Variants in IFT140 observed in about 807,000 individuals in gnomAD.
IFT140 encodes the protein intraflagellar transport protein 140 homolog.
IFT140 carries 133 observed loss-of-function variants against 164.6 expected under a neutral mutation model. The ratio of observed to expected loss-of-function variants is 0.81; its 90% CI spans 0.70 to 0.93. The LOEUF is 0.93. IFT140 is among the 40% of genes least tolerant of loss of function. The pLI is 0.00. For missense variants in IFT140, 2,045 were observed against 1,972.3 expected, an observed-to-expected ratio of 1.04 and a Z score of -0.70; for synonymous variants, 860 against 817.3, an observed-to-expected ratio of 1.05 and a Z score of -0.89.
chr16:1,602,830 C>T (rs1178684346), intron 3 of IFT140, among the ~76,000 whole-genome samples: 1 of 152,112 alleles, frequency 6.6e-6, no homozygotes, highest in African/African-American at 2.4e-5. Flanking sequence ...GTCCCAGCTA[C>T]TCGGGAGGCT....
chr16:1,559,214 A>G (rs2052905610), intron 18 of IFT140, among the ~76,000 whole-genome samples: 1 of 152,208 alleles, frequency 6.6e-6, no homozygotes, highest in South Asian at 2.1e-4. Context: ...ACGCACAAAA[A>G]CAACAGGGAA....
At chr16:1,521,964 T>C (rs903682752) in intron 26 of IFT140, among the ~76,000 whole-genome samples, 3 of 149,458 alleles carry the variant, frequency 2.0e-5, no homozygotes, top group Admixed American at 6.7e-5. Flanking sequence ...GGCTCACACC[T>C]GTAATCCCAG....
chr16:1,611,361 G>A (rs1184674189), intron 1 of IFT140, among the ~76,000 whole-genome samples: 2 of 152,138 alleles, frequency 1.3e-5, no homozygotes, highest in African/African-American at 2.4e-5. Flanking sequence ...AAAATTAGCC[G>A]GGCGCGGTGG....
rs547394460 is a variant in IFT140, at chr16:1,586,829, C to G, written c.1009+369G>C. On this transcript the variant is annotated intron_variant, in intron 9 of 30. Transcript: ENST00000426508. The stretch of plus-strand genomic sequence containing the variant: ...TCAAGCAATCCTCCCACCTCAGCCT[C>G]CTGAGTAGATGGGACCACCGCTGTA... Among the ~76,000 whole-genome samples the G allele has an allele frequency of 2.0e-3, 301 of 152,244 alleles. 2 individuals are homozygous for G. The highest frequency in any genetic ancestry group is 7.0e-3 in the African/African-American group (291 of 41,550).
chr16:1,609,647 G>T (rs2036243767), intron 2 of IFT140, among the ~76,000 whole-genome samples: 1 of 152,180 alleles, frequency 6.6e-6, no homozygotes, highest in Non-Finnish European at 1.5e-5. Context: ...TAAGAAACGG[G>T]TTCCAGGCCT....
At chr16:1,611,205 G>GC (rs909135169) in intron 1 of IFT140, among the ~76,000 whole-genome samples, 6 of 152,198 alleles carry the variant, frequency 3.9e-5, no homozygotes, top group African/African-American at 1.4e-4. Context: ...GGCAGGGAGC[G>GC]CCCCCAAGAA....
chr16:1,510,788 G>T lies in IFT140; in HGVS notation c.*156C>A. On this transcript the variant is annotated 3_prime_UTR_variant, in exon 31 of 31. Transcript: ENST00000426508. ...AAGGTGCAGACGGGTCACACCCTCCGCCGGCCCGGGCCGCTGCGTTCTCGC... is the reference window on the plus strand; with the variant it reads ...AAGGTGCAGACGGGTCACACCCTCCTCCGGCCCGGGCCGCTGCGTTCTCGC... The T allele has an allele frequency of 1.4e-6, 1 of 712,098 alleles. No homozygotes were observed. 44.1% of individuals were successfully genotyped at this position (712,098 alleles called of 1,614,324 possible). A position where few individuals can be genotyped will look rare whatever the true frequency, so the allele number is the denominator to read the frequency against.
intron 12 of IFT140, among the ~76,000 whole-genome samples, chr16:1,581,422 G>GA (rs552632663): frequency 7.6e-4 from 116 of 151,886 alleles, no homozygotes; most frequent in African/African-American, 2.7e-3. Flanking sequence ...CAACATCGTG[G>GA]AATGTTGTCT....
In IFT140 at chr16:1,524,786, T is replaced by C; in HGVS notation, c.2995A>G (p.Lys999Glu). ...CGGCTCCCCTGCGGGGACCTTACCT[T>C]CTGGACATTGCCCTGGAAGCAGTGG... ...RIHCFQGNVQ[K>E]AAQIANETGN... The change falls in exon 23 of 31, where the codon AAG becomes GAG. Residue 999 changes from lysine to glutamate, a missense_variant and splice_region_variant. Lys to Glu is a moderately conservative substitution (Grantham distance 56). Coordinates refer to ENST00000426508, the MANE Select transcript of IFT140 (RefSeq NM_014714.4). The C allele has an allele frequency of 6.2e-7, 1 of 1,606,530 alleles. No homozygotes were observed. Among genetic ancestry groups the C allele is most frequent in the South Asian group, 1.1e-5 (1 of 90,914 alleles).
intron 17 of IFT140, among the ~76,000 whole-genome samples, chr16:1,563,317 C>T (rs570413945): frequency 1.1e-4 from 16 of 150,760 alleles, no homozygotes; most frequent in East Asian, 4.1e-4. Context: ...TCTTTTGAGA[C>T]GGAGTCTCAC....
intron 19 of IFT140, 47 bp from the exon 20 acceptor site, chr16:1,526,843 G>T (rs2040716921): frequency 1.3e-6 from 2 of 1,553,550 alleles, no homozygotes; most frequent in Non-Finnish European, 1.7e-6. Flanking sequence ...GCACCTCAGG[G>T]CCCCCTGGCC....
intron 14 of IFT140, among the ~76,000 whole-genome samples, chr16:1,570,996 G>T (rs1436680157): frequency 1.3e-5 from 2 of 152,166 alleles, no homozygotes; most frequent in African/African-American, 4.8e-5. Context: ...GGCTCAAGCA[G>T]TCTTCTCGCC....
chr16:1,601,664 A>G lies in IFT140; in HGVS notation c.369+706T>C, dbSNP rs1437337136. Among the ~76,000 whole-genome samples, 3 of 152,210 alleles carry G rather than the reference A, an allele frequency of 2.0e-5. No homozygotes were observed. In the East Asian group the frequency reaches 5.8e-4, roughly 29 times the overall value. The stretch of plus-strand genomic sequence containing the variant: ...CTCCTCTCATAATGTAGAAATTTCA[A>G]ATCTCAAGTGAGAGAAAGAATGCAC... On this transcript the variant is annotated intron_variant, in intron 4 of 30. Transcript: ENST00000426508.
intron 4 of IFT140, among the ~76,000 whole-genome samples, chr16:1,592,878 G>A (rs554544280): frequency 2.0e-5 from 3 of 151,858 alleles, no homozygotes; most frequent in South Asian, 4.2e-4. Flanking sequence ...TGTCCTGGCA[G>A]AGTGACTGGT....
rs760517567 is a variant in IFT140, at chr16:1,607,280, C to T, written c.-14G>A. The T allele has an allele frequency of 3.7e-6, 6 of 1,607,826 alleles. No individual in the cohort carries two copies. The highest frequency in any genetic ancestry group is 1.3e-5 in the African/African-American group (1 of 74,456). On this transcript the variant is annotated 5_prime_UTR_variant, in exon 3 of 31. Transcript: ENST00000426508. ...ATAGAGGGCCATGACGGAACTCAGGCCTCCTCAGCGCTGAAACCTGCAGGG... is the reference window on the plus strand; with the variant it reads ...ATAGAGGGCCATGACGGAACTCAGGTCTCCTCAGCGCTGAAACCTGCAGGG...
chr16:1,528,344 C>T (rs911340005), intron 19 of IFT140, among the ~76,000 whole-genome samples: 3 of 131,022 alleles, frequency 2.3e-5, no homozygotes, highest in African/African-American at 5.3e-5. Context: ...TGCACACACA[C>T]GCATGCACGC....
chr16:1,519,357 C>T lies in IFT140; in HGVS notation c.4040+524G>A, dbSNP rs768349226. Reference sequence around the variant, plus strand: ...AGCAGCTCTCTGAAAAGCTGAGTCACCTGCCCATAATAAAGATGGGGAGGT... The same window carrying T: ...AGCAGCTCTCTGAAAAGCTGAGTCATCTGCCCATAATAAAGATGGGGAGGT... On this transcript the variant is annotated intron_variant, in intron 29 of 30. Transcript: ENST00000426508. Among the ~76,000 whole-genome samples, 13 of 152,230 alleles carry T rather than the reference C, an allele frequency of 8.5e-5. No homozygotes were observed. The South Asian group carries it at 2.7e-3, about 31-fold the overall frequency.
intron 26 of IFT140, among the ~76,000 whole-genome samples, chr16:1,521,761 C>T (rs1359293659): frequency 6.6e-6 from 1 of 150,926 alleles, no homozygotes; most frequent in Non-Finnish European, 1.5e-5. Context: ...TGGCTCATGC[C>T]TGTAATTCCA....
chr16:1,520,543 G>GCAAAT, intron 27 of IFT140, 59 bp downstream of exon 27: 1 of 1,492,652 alleles, frequency 6.7e-7, no homozygotes, highest in East Asian at 2.5e-5. Context: ...ATGCGTGCAG[G>GCAAAT]GGGCCCGCAG....
Sources: gnomAD v4.1 joint callset for allele counts (sites outside exome capture counted in the v4.1 genomes callset) on GRCh38, gnomAD v4.1.1 for gene constraint, MANE v1.5 for transcripts, NCBI Gene and HGNC (gene_info 2026-07-23, HGNC 2026-07-21) for gene names.